NAA15: variants seen among roughly 807,000 people sequenced by gnomAD.
NAA15 encodes N-alpha-acetyltransferase 15, NatA auxiliary subunit, also known as N-terminal acetyltransferase.
Under a neutral mutation model 114.0 loss-of-function variants are expected in NAA15, and 34 were observed. The ratio of observed to expected loss-of-function variants is 0.30; its 90% CI spans 0.23 to 0.40. The LOEUF is 0.40. Among genes scored for constraint, NAA15 ranks in the 10% least tolerant of loss-of-function variants. NAA15 has a pLI of 1.00. For synonymous variants in NAA15, 340 were observed against 338.0 expected (o/e 1.01, Z -0.06); for missense variants, 658 against 1,004.5 (o/e 0.66, Z 4.66).
rs753220651 is a variant in NAA15 at position 139,344,227 on chromosome 4, C to T, written c.579C>T (p.Leu193=). The T allele has an allele frequency of 2.5e-6, 4 of 1,612,654 alleles. No homozygotes were observed. The highest frequency in any genetic ancestry group is 1.1e-5 in the South Asian group (1 of 90,976). Residue 193 remains leucine, a synonymous_variant, in exon 6 of 20, where the codon CTC becomes CTT. Transcript: ENST00000296543. ...TGGATTATGAATATAGTGAACTACT[C>T]TTATATCAGAATCAAGTTCTTCGGG... ...DKVDYEYSEL[L]LYQNQVLREA... is the part of the protein sequence containing the mutation.
chr4:139,371,134 G>A (rs906394958), intron 15 of NAA15, among the ~76,000 whole-genome samples: 3 of 152,160 alleles, frequency 2.0e-5, no homozygotes, highest in Admixed American at 6.5e-5. Flanking sequence ...GGAAGCAGTC[G>A]CCCCAGACTT....
intron 14 of NAA15, among the ~76,000 whole-genome samples, chr4:139,367,180 C>T (rs575867111): frequency 2.6e-5 from 4 of 152,220 alleles, no homozygotes; most frequent in Admixed American, 6.5e-5. Flanking sequence ...ATAGGATGAC[C>T]ACTGTAGACA....
intron 1 of NAA15, among the ~76,000 whole-genome samples, chr4:139,330,630 T>C (rs1403715197): frequency 1.3e-5 from 2 of 152,174 alleles, no homozygotes; most frequent in East Asian, 3.8e-4. Flanking sequence ...ATCAACTCTA[T>C]CTTCAGGATG....
At chr4:139,308,032 G>C (rs1263347391) in intron 1 of NAA15, among the ~76,000 whole-genome samples, 1 of 151,990 alleles carries the variant, frequency 6.6e-6, no homozygotes, top group Non-Finnish European at 1.5e-5. Flanking sequence ...TGCAATCTCG[G>C]CTCATTGCAT....
chr4:139,367,426 A>G (rs1033199767), intron 14 of NAA15, among the ~76,000 whole-genome samples: 2 of 151,770 alleles, frequency 1.3e-5, no homozygotes, highest in African/African-American at 2.4e-5. Flanking sequence ...GAGTCTAAAG[A>G]CCTCTTTTCA....
intron 6 of NAA15, among the ~76,000 whole-genome samples, chr4:139,344,857 C>T (rs1312140664): frequency 6.6e-6 from 1 of 151,918 alleles, no homozygotes; most frequent in Non-Finnish European, 1.5e-5. Flanking sequence ...AAAGGGAGAC[C>T]AGAGATTTGG....
At position 139,334,254 on chromosome 4, in the gene NAA15, T is replaced by C; in HGVS notation, c.135T>C (p.His45=). Residue 45 remains histidine (H), a synonymous_variant, in exon 2 of 20, where the codon CAT becomes CAC. Transcript: ENST00000296543. The part of the protein sequence containing the change: ...QILSNPKFAE[H]GETLAMKGLT... The stretch of plus-strand genomic sequence containing the variant: ...TTTCTAATCCCAAATTTGCAGAGCA[T>C]GGAGGTAAGTGCAAGTAGATAAAGC... 1 of 1,594,076 alleles carries C rather than the reference T, an allele frequency of 6.3e-7. No homozygotes were observed. Among genetic ancestry groups the C allele is most frequent in the African/African-American group, 1.3e-5 (1 of 74,184 alleles).
intron 15 of NAA15, among the ~76,000 whole-genome samples, chr4:139,374,076 C>T (rs2110985147): frequency 6.6e-6 from 1 of 152,160 alleles, no homozygotes; most frequent in East Asian, 1.9e-4. Flanking sequence ...AGTAGTCTTT[C>T]TTTAAAAAGT....
chr4:139,365,821 C>G (rs1748263730), intron 14 of NAA15, among the ~76,000 whole-genome samples: 1 of 152,018 alleles, frequency 6.6e-6, no homozygotes, highest in Non-Finnish European at 1.5e-5. Context: ...TACACTCCAG[C>G]CTGGACGACA....
chr4:139,370,005 A>C (rs1748390600), intron 14 of NAA15, among the ~76,000 whole-genome samples: 1 of 152,072 alleles, frequency 6.6e-6, no homozygotes, highest in Admixed American at 6.5e-5. Flanking sequence ...GGGTTTCACC[A>C]TGTTGGCCAG....
At chr4:139,322,756 A>G (rs905086064) in intron 1 of NAA15, among the ~76,000 whole-genome samples, 5 of 152,154 alleles carry the variant, frequency 3.3e-5, no homozygotes, top group South Asian at 4.2e-4. Flanking sequence ...CAATAGGGCA[A>G]TTTTGGCTCA....
At chr4:139,341,592 T>G (rs1215866911) in intron 4 of NAA15, among the ~76,000 whole-genome samples, 3 of 16,726 alleles carry the variant, frequency 1.8e-4, no homozygotes, top group Non-Finnish European at 1.9e-4. Context: ...AAACTCTGTC[T>G]CAAAAAAAAA....
intron 1 of NAA15, among the ~76,000 whole-genome samples, chr4:139,315,001 T>TTCAGTTCAGGTGAGG (rs1181192026): frequency 1.3e-5 from 1 of 74,356 alleles, no homozygotes; most frequent in Non-Finnish European, 2.5e-5. Flanking sequence ...TTCAGTTCAG[T>TTCAGTTCAGGTGAGG]TTAGTTTAGG....
intron 15 of NAA15, among the ~76,000 whole-genome samples, chr4:139,374,456 G>A (rs1748527719): frequency 6.6e-6 from 1 of 152,126 alleles, no homozygotes; most frequent in African/African-American, 2.4e-5. Flanking sequence ...CAGTTCTTGT[G>A]TGCTTATCTT....
rs1336449076 is a variant in NAA15 at position 139,390,704 on chromosome 4, AATTAG to A, written c.*2623_*2627del. 6.6e-6 allele frequency: 1 copy of A among 152,322 alleles called. No individual in the cohort carries two copies. The highest frequency in any genetic ancestry group is 2.4e-5 in the African/African-American group (1 of 41,436). 9.4% of individuals were successfully genotyped at this position (152,322 alleles called of 1,614,324 possible). A position where few individuals can be genotyped will look rare whatever the true frequency, so the allele number is the denominator to read the frequency against. The stretch of plus-strand genomic sequence containing the variant: ...TGACTAGGTTAGTTTACTCAGCTTT[AATTAG>A]ATAGTTGAGTCATATATTTTCAACA... On this transcript the variant is annotated 3_prime_UTR_variant, in exon 20 of 20. Transcript: ENST00000296543.
In NAA15 at chr4:139,302,286, A is replaced by G. The variant is rs576062682; in HGVS notation, c.54+455A>G. 4 of 160,268 alleles carry G rather than the reference A, an allele frequency of 2.5e-5. No homozygotes were observed. In the South Asian group the frequency reaches 7.8e-4, roughly 31 times the overall value. The allele number at this position is 160,268 out of a possible 1,614,324, so 9.9% of individuals were successfully genotyped here. ...ATTGCCTAAACGCGGTTCTCCCTCCATCATCTGTCCCTCCCTCTTCCTCCT... is the reference window on the plus strand; with the variant it reads ...ATTGCCTAAACGCGGTTCTCCCTCCGTCATCTGTCCCTCCCTCTTCCTCCT... On this transcript the variant is annotated intron_variant, in intron 1 of 19. Coordinates refer to ENST00000296543, the MANE Select transcript of NAA15 (RefSeq NM_057175.5).
At chr4:139,352,908 T>C (rs71606837) in intron 9 of NAA15, among the ~76,000 whole-genome samples, 50 of 152,050 alleles carry the variant, frequency 3.3e-4, no homozygotes, top group Non-Finnish European at 6.0e-4. Flanking sequence ...CCTCAGGCAA[T>C]CCACCCATCT....
intron 10 of NAA15, among the ~76,000 whole-genome samples, chr4:139,354,327 C>T (rs1215826515): frequency 6.6e-6 from 1 of 152,050 alleles, no homozygotes; most frequent in African/African-American, 2.4e-5. Flanking sequence ...GAGACATGAT[C>T]TTGCTCTGTT....
intron 1 of NAA15, 157 bp downstream of exon 1, chr4:139,301,988 G>C (rs1240231071): frequency 1.3e-6 from 1 of 764,224 alleles, no homozygotes; most frequent in Non-Finnish European, 2.0e-6. Flanking sequence ...CTCCCTCTCT[G>C]TGGTTCCTAC....
Sources: allele counts gnomAD v4.1 joint callset (sites outside exome capture counted in the v4.1 genomes callset), GRCh38; gene constraint gnomAD v4.1.1; transcripts MANE v1.5; gene names NCBI Gene and HGNC (gene_info 2026-07-23, HGNC 2026-07-21).